SORCS2: variants seen among roughly 807,000 people sequenced by gnomAD.
The protein encoded by SORCS2 is VPS10 domain-containing receptor SorCS2.
Under a neutral mutation model 141.6 loss-of-function variants are expected in SORCS2, and 100 were observed. The ratio of observed to expected loss-of-function variants is 0.71; its 90% CI spans 0.60 to 0.83. SORCS2 has a LOEUF of 0.83. Among genes scored for constraint, SORCS2 ranks in the 40% least tolerant of loss-of-function variants. The pLI is 0.00. For synonymous variants in SORCS2, 789 were observed against 676.9 expected, an observed-to-expected ratio of 1.17 and a Z score of -2.57; for missense variants, 1,646 against 1,560.2, an observed-to-expected ratio of 1.05 and a Z score of -0.93.
intron 2 of SORCS2, chr4:7,434,464 A>G: frequency 6.2e-7 from 1 of 1,611,318 alleles, no homozygotes; most frequent in Non-Finnish European, 8.5e-7. Flanking sequence ...CGGCTCACAG[A>G]GGCTGAGCGC....
intron 1 of SORCS2, among the ~76,000 whole-genome samples, chr4:7,331,082 C>T (rs955961273): frequency 1.4e-5 from 2 of 147,340 alleles, no homozygotes; most frequent in African/African-American, 5.0e-5. Flanking sequence ...TGGTGTGCTC[C>T]AGGGCCAGGG....
chr4:7,281,896 T>C lies in SORCS2; in HGVS notation c.480+88770T>C, dbSNP rs138251358. On this transcript the variant is annotated intron_variant, in intron 1 of 26. Coordinates refer to ENST00000507866, the MANE Select transcript of SORCS2 (RefSeq NM_020777.3). ...AGATGAGTGCCGAGGGACCGCATTT[T>C]CCAGGACTCGTGACATGGTGGCCAT... Among the ~76,000 whole-genome samples the C allele has an allele frequency of 6.2e-4, 94 of 152,330 alleles. 1 individual carries two copies. The East Asian group carries it at 0.018, about 29-fold the overall frequency.
chr4:7,425,108 C>T (rs1577538889), intron 2 of SORCS2, among the ~76,000 whole-genome samples: 1 of 152,220 alleles, frequency 6.6e-6, no homozygotes, highest in African/African-American at 2.4e-5. Context: ...CTGTCCTGCT[C>T]TCTCCAGCCT....
At chr4:7,435,014 C>T in intron 2 of SORCS2, 1 of 1,138,994 alleles carries the variant, frequency 8.8e-7, no homozygotes. Context: ...TGACTCACAC[C>T]CTGTGCCCGG....
chr4:7,520,847 G>A (rs1733284368), intron 2 of SORCS2, among the ~76,000 whole-genome samples: 1 of 152,248 alleles, frequency 6.6e-6, no homozygotes, highest in Non-Finnish European at 1.5e-5. Context: ...ACTGGGTCGG[G>A]CTGCAGTCAA....
intron 1 of SORCS2, among the ~76,000 whole-genome samples, chr4:7,242,400 C>T (rs1712763745): frequency 6.6e-6 from 1 of 151,912 alleles, no homozygotes; most frequent in Non-Finnish European, 1.5e-5. Flanking sequence ...GTTGGGGTCT[C>T]ACTATGTTGC....
At chr4:7,647,578 C>T (rs1042364118) in intron 4 of SORCS2, among the ~76,000 whole-genome samples, 5 of 152,138 alleles carry the variant, frequency 3.3e-5, no homozygotes, top group Non-Finnish European at 4.4e-5. Flanking sequence ...CTGCAATTGC[C>T]CTTGTGACAG....
At position 7,737,159 on chromosome 4, in the gene SORCS2, G is replaced by C. The variant is rs930009971; in HGVS notation, c.3402G>C (p.Gln1134His). The C allele has an allele frequency of 1.9e-6, 3 of 1,551,336 alleles. No individual in the cohort carries two copies. The highest frequency in any genetic ancestry group is 2.7e-5 in the African/African-American group (2 of 73,146). Reference protein sequence around the residue: ...TSPVSHSEDVQGAVQGNHSGV... With the variant: ...TSPVSHSEDVHGAVQGNHSGV... The stretch of plus-strand genomic sequence containing the variant: ...CTGTGAGTCACAGTGAGGACGTCCA[G>C]GGCGCTGTCCAGGGTGAGGAGTTTA... The change falls in exon 26 of 27, where the codon CAG becomes CAC. Residue 1134 changes from glutamine to histidine, a missense_variant. Physicochemically the swap from Gln to His is conservative, Grantham distance 24. Coordinates refer to ENST00000507866, the MANE Select transcript of SORCS2 (RefSeq NM_020777.3).
chr4:7,370,344 C>G (rs1722173690), intron 1 of SORCS2, among the ~76,000 whole-genome samples: 1 of 152,138 alleles, frequency 6.6e-6, no homozygotes, highest in Non-Finnish European at 1.5e-5. Flanking sequence ...AGATCTGGGC[C>G]CCTGGGCTAC....
At chr4:7,264,252 G>A (rs1373255091) in intron 1 of SORCS2, among the ~76,000 whole-genome samples, 2 of 152,230 alleles carry the variant, frequency 1.3e-5, no homozygotes, top group Non-Finnish European at 1.5e-5. Context: ...CCAGCAAAGC[G>A]AGAAGAGAAC....
intron 9 of SORCS2, among the ~76,000 whole-genome samples, chr4:7,681,203 C>T (rs570628488): frequency 6.6e-6 from 1 of 152,266 alleles, no homozygotes; most frequent in South Asian, 2.1e-4. Context: ...ATGGCCACAT[C>T]CCGAGCCCCA....
intron 1 of SORCS2, among the ~76,000 whole-genome samples, chr4:7,243,724 G>A (rs531122421): frequency 2.0e-5 from 3 of 152,380 alleles, no homozygotes; most frequent in South Asian, 4.1e-4. Context: ...GGCACACTGA[G>A]CCCTGCTTCT....
chr4:7,700,429 A>AGGCCTGCATCTATGCT (rs1305830458), intron 12 of SORCS2, among the ~76,000 whole-genome samples: 1 of 152,166 alleles, frequency 6.6e-6, no homozygotes, highest in Non-Finnish European at 1.5e-5. Flanking sequence ...TGTAGGGGCC[A>AGGCCTGCATCTATGCT]GGCCTGCATC....
intron 1 of SORCS2, among the ~76,000 whole-genome samples, chr4:7,222,449 G>A (rs1485321315): frequency 6.6e-6 from 1 of 152,230 alleles, no homozygotes; most frequent in African/African-American, 2.4e-5. Flanking sequence ...CATAGGGACG[G>A]AAAGCAGGTC....
chr4:7,716,440 T>C (rs1352946960), intron 17 of SORCS2, among the ~76,000 whole-genome samples: 3 of 152,184 alleles, frequency 2.0e-5, no homozygotes, highest in South Asian at 2.1e-4. Flanking sequence ...TTTCCATTCA[T>C]CCTTCCATTC....
At chr4:7,475,434 G>A (rs995081790) in intron 2 of SORCS2, among the ~76,000 whole-genome samples, 51 of 152,128 alleles carry the variant, frequency 3.4e-4, no homozygotes, top group Admixed American at 6.5e-4. Context: ...TGGTAGGCTC[G>A]GCCGGCCCCC....
intron 2 of SORCS2, among the ~76,000 whole-genome samples, chr4:7,420,533 G>A (rs1725970460): frequency 6.6e-6 from 1 of 152,208 alleles, no homozygotes; most frequent in African/African-American, 2.4e-5. Context: ...TCTTTCATGT[G>A]CAGCTGGAGG....
chr4:7,354,341 G>C (rs1317376047), intron 1 of SORCS2, among the ~76,000 whole-genome samples: 1 of 151,978 alleles, frequency 6.6e-6, no homozygotes, highest in Non-Finnish European at 1.5e-5. Context: ...CCGGCTCCCA[G>C]GTCCAGAGCC....
At chr4:7,221,045 T>G (rs1377676391) in intron 1 of SORCS2, among the ~76,000 whole-genome samples, 1 of 152,244 alleles carries the variant, frequency 6.6e-6, no homozygotes, top group African/African-American at 2.4e-5. Context: ...ATTATTTTTG[T>G]GGGCAAACGT....
Sources: gnomAD v4.1 joint callset for allele counts (sites outside exome capture counted in the v4.1 genomes callset) on GRCh38, gnomAD v4.1.1 for gene constraint, MANE v1.5 for transcripts, NCBI Gene and HGNC (gene_info 2026-07-23, HGNC 2026-07-21) for gene names.